ZEB1: variants seen among roughly 807,000 people sequenced by gnomAD.
The protein encoded by ZEB1 is zinc finger E-box-binding homeobox 1.
A neutral mutation model predicts 84.9 loss-of-function variants in ZEB1; 21 were observed. The observed-to-expected ratio is 0.25, with a 90% confidence interval of 0.18 to 0.36. The LOEUF is 0.36. ZEB1 is among the 10% of genes least tolerant of loss of function. The pLI, the probability that ZEB1 is intolerant of heterozygous loss-of-function variation, is 1.00. For synonymous variants in ZEB1, 420 were observed against 471.1 expected (o/e 0.89, Z 1.41); for missense variants, 1,104 against 1,330.2 (o/e 0.83, Z 2.65).
chr10:31,366,895 T>G (rs542350496), intron 1 of ZEB1, among the ~76,000 whole-genome samples: 1 of 152,266 alleles, frequency 6.6e-6, no homozygotes, highest in East Asian at 1.9e-4. Flanking sequence ...TCCAGGAAAG[T>G]TTAATGTCTT....
chr10:31,459,348 AT>A (rs1220845063), intron 1 of ZEB1, among the ~76,000 whole-genome samples: 2 of 152,102 alleles, frequency 1.3e-5, no homozygotes, highest in African/African-American at 4.8e-5. Context: ...TATATTAAAT[AT>A]AAGATAAGGT....
rs748774628 is a variant in ZEB1 at position 31,320,611 on chromosome 10, TA to T, written c.58+1328del. 8.0e-5 allele frequency: 12 copies of T among 150,774 alleles called. No homozygotes were observed. The East Asian group carries it at 1.4e-3, about 17-fold the overall frequency. The allele number at this position is 150,774 out of a possible 1,614,324, so 9.3% of individuals were successfully genotyped here. A position where few individuals can be genotyped will look rare whatever the true frequency, so the allele number is the denominator to read the frequency against. The stretch of plus-strand genomic sequence containing the variant: ...ACACCCCTCTGCCTGGCGTGAGAGT[TA>T]AAAAAAAAGAGAGACAGCCCGAGGG... On this transcript the variant is annotated intron_variant, in intron 1 of 8. Transcript: ENST00000424869.
At chr10:31,392,815 G>A (rs1345872581) in intron 1 of ZEB1, among the ~76,000 whole-genome samples, 1 of 151,166 alleles carries the variant, frequency 6.6e-6, no homozygotes, top group East Asian at 1.9e-4. Context: ...TTATATAGAT[G>A]ATATTATATA....
intron 4 of ZEB1, among the ~76,000 whole-genome samples, chr10:31,507,731 GT>G (rs1422980470): frequency 6.6e-6 from 1 of 151,536 alleles, no homozygotes; most frequent in African/African-American, 2.4e-5. Context: ...ATCCTGATTT[GT>G]TTTTCTGGTT....
At chr10:31,470,219 C>A (rs1358694459) in intron 2 of ZEB1, among the ~76,000 whole-genome samples, 1 of 152,110 alleles carries the variant, frequency 6.6e-6, no homozygotes, top group Non-Finnish European at 1.5e-5. Context: ...CGGAGAACGA[C>A]TTTGACGAGC....
chr10:31,473,971 A>G (rs2138094470), intron 2 of ZEB1, among the ~76,000 whole-genome samples: 1 of 152,314 alleles, frequency 6.6e-6, no homozygotes, highest in African/African-American at 2.4e-5. Context: ...AGGATTCCCT[A>G]TTTAATAAAT....
At chr10:31,381,712 T>G (rs1408557118) in intron 1 of ZEB1, 1 of 151,920 alleles carries the variant, frequency 6.6e-6, no homozygotes. Context: ...TGTTGGAGAT[T>G]TAAGTATACA....
chr10:31,424,124 A>G (rs1456320620), intron 1 of ZEB1, among the ~76,000 whole-genome samples: 3 of 152,004 alleles, frequency 2.0e-5, no homozygotes, highest in Non-Finnish European at 2.9e-5. Flanking sequence ...TTTCATTACA[A>G]CATTTTACGT....
intron 1 of ZEB1, chr10:31,360,918 C>A: frequency 6.6e-7 from 1 of 1,511,248 alleles, no homozygotes. Context: ...TGCATGGATG[C>A]TCTAATAAAT....
At chr10:31,437,691 A>G (rs770636014) in intron 1 of ZEB1, among the ~76,000 whole-genome samples, 7 of 152,198 alleles carry the variant, frequency 4.6e-5, no homozygotes, top group South Asian at 2.1e-4. Flanking sequence ...TGTCATTCCC[A>G]TGGAAGTAAG....
At chr10:31,449,170 G>A (rs531473736) in intron 1 of ZEB1, among the ~76,000 whole-genome samples, 7 of 152,348 alleles carry the variant, frequency 4.6e-5, no homozygotes, top group Middle Eastern at 3.4e-3. Context: ...GGAGTGACCC[G>A]ATTTTCCAGG....
Position 31,448,672 on chromosome 10 carries a change from G to C in ZEB1, c.59-12365G>C, listed in dbSNP as rs924588222. ...TGCAGGTCTGTTGGAATACCCTGCC[G>C]TGTGAGGTGTCAGTGTGCCCCTGCT... On this transcript the variant is annotated intron_variant, in intron 1 of 8. Transcript: ENST00000424869. 2.1e-3 allele frequency among the ~76,000 whole-genome samples: 327 copies of C among 152,126 alleles called. 1 individual carries two copies. Among genetic ancestry groups the C allele is most frequent in the African/African-American group, 7.6e-3 (316 of 41,464 alleles).
In ZEB1 at chr10:31,524,009, A is replaced by T. The variant is rs781360863; in HGVS notation, c.2681A>T (p.Lys894Ile). 1 of 1,613,994 alleles carries T rather than the reference A, an allele frequency of 6.2e-7. No homozygotes were observed. The highest frequency in any genetic ancestry group is 2.2e-5 in the East Asian group (1 of 44,816). Reference sequence around the variant, plus strand: ...AATGACTCTGATTCTACACCGCCCAAAAAGAAAATGCGGAAGACAGAAAAT... The same window carrying T: ...AATGACTCTGATTCTACACCGCCCATAAAGAAAATGCGGAAGACAGAAAAT... ...DQNDSDSTPP[K>I]KKMRKTENGM... Residue 894 changes from lysine (K) to isoleucine (I), a missense_variant, in exon 8 of 9, where the codon AAA becomes ATA. Around this residue, in one of 7 missense-constraint regions of ZEB1, gnomAD observed 531 missense variants for 575.2 expected, o/e 0.92. Transcript: ENST00000424869.
chr10:31,484,686 A>T (rs1210003306), intron 2 of ZEB1, among the ~76,000 whole-genome samples: 1 of 151,924 alleles, frequency 6.6e-6, no homozygotes, highest in Non-Finnish European at 1.5e-5. Flanking sequence ...TGGGCTGGTT[A>T]TTCTTAGTTT....
intron 1 of ZEB1, among the ~76,000 whole-genome samples, chr10:31,409,278 A>G (rs2053760127): frequency 6.6e-6 from 1 of 152,112 alleles, no homozygotes; most frequent in South Asian, 2.1e-4. Flanking sequence ...AGAAATAGGA[A>G]CACTTTTACA....
chr10:31,446,936 G>T (rs1439990738), intron 1 of ZEB1, among the ~76,000 whole-genome samples: 3 of 152,214 alleles, frequency 2.0e-5, no homozygotes, highest in African/African-American at 4.8e-5. Context: ...GGTCTGCTTG[G>T]TTCAGAGCTG....
chr10:31,529,615 A>T lies in ZEB1; in HGVS notation c.*2351A>T, dbSNP rs996690651. 3 of 152,244 alleles carry T rather than the reference A, an allele frequency of 2.0e-5. No individual in the cohort carries two copies. The highest frequency in any genetic ancestry group is 2.9e-5 in the Non-Finnish European group (2 of 68,036). 9.4% of individuals were successfully genotyped at this position (152,244 alleles called of 1,614,324 possible). ...CTCACTGCCTAACAGGGTGCCTGGC[A>T]TAAGTTGGGACAACAGATATTTGTT... On this transcript the variant is annotated 3_prime_UTR_variant, in exon 9 of 9. Coordinates refer to ENST00000424869, the MANE Select transcript of ZEB1 (RefSeq NM_001174096.2).
At chr10:31,436,490 G>A (rs878963992) in intron 1 of ZEB1, among the ~76,000 whole-genome samples, 2 of 151,980 alleles carry the variant, frequency 1.3e-5, no homozygotes, top group Non-Finnish European at 2.9e-5. Context: ...GAGCATGTCC[G>A]GAGCCACATG....
intron 1 of ZEB1, among the ~76,000 whole-genome samples, chr10:31,382,712 G>T (rs1040269245): frequency 6.6e-6 from 1 of 151,694 alleles, no homozygotes; most frequent in African/African-American, 2.4e-5. Flanking sequence ...AATTTTTGTT[G>T]GACCAAAATA....
Sources: gnomAD v4.1 joint callset for allele counts (sites outside exome capture counted in the v4.1 genomes callset) on GRCh38, gnomAD v4.1.1 for gene constraint, gnomAD v4.1.1 regional missense constraint, MANE v1.5 for transcripts, NCBI Gene and HGNC (gene_info 2026-07-23, HGNC 2026-07-21) for gene names.